Variants in PTER observed in about 807,000 individuals in gnomAD.
The protein encoded by PTER is phosphotriesterase related.
PTER carries 38 observed loss-of-function variants against 29.6 expected under a neutral mutation model. That is an observed-to-expected ratio of 1.28 (90% CI 0.99 to 1.68). The LOEUF (loss-of-function observed/expected upper bound fraction) is 1.68. Ranked by LOEUF, PTER falls within the 40% of genes most tolerant of loss-of-function variation. The probability of loss-of-function intolerance (pLI) is 0.00; values close to 1 mark genes in which losing one functional copy is unlikely to be tolerated. For missense variants in PTER, 482 were observed against 427.8 expected (o/e 1.13, Z -1.12); for synonymous variants, 172 against 154.5 (o/e 1.11, Z -0.84).
intron 1 of PTER, among the ~76,000 whole-genome samples, chr10:16,464,137 A>G (rs776585644): frequency 3.9e-5 from 6 of 152,212 alleles, no homozygotes; most frequent in Non-Finnish European, 7.3e-5. Flanking sequence ...CTGATCTTCC[A>G]TAATCTCTTG....
At chr10:16,449,486 A>G (rs1229471778) in intron 1 of PTER, among the ~76,000 whole-genome samples, 2 of 136,848 alleles carry the variant, frequency 1.5e-5, no homozygotes, top group Non-Finnish European at 3.0e-5. Flanking sequence ...CCCAGGGTAC[A>G]GTGCAGTGGT....
chr10:16,467,617 G>C (rs1302679037), intron 1 of PTER, among the ~76,000 whole-genome samples: 1 of 152,142 alleles, frequency 6.6e-6, no homozygotes, highest in African/African-American at 2.4e-5. Context: ...TTCGAGACCA[G>C]TCTGGCCTAC....
rs558469273 is a variant in PTER at position 16,511,095 on chromosome 10, C to G, written c.889C>G (p.His297Asp). ...EGCEDRILVA[H>D]DIHTKTRLMK... ...CTGTGAAGATCGAATTCTGGTAGCACATGACATACATACGAAAACCCGGCT... is the reference window on the plus strand; with the variant it reads ...CTGTGAAGATCGAATTCTGGTAGCAGATGACATACATACGAAAACCCGGCT... The change falls in exon 5 of 5, where the codon CAT becomes GAT. Residue 297 changes from histidine to aspartate, a missense_variant. Coordinates refer to ENST00000535784, the MANE Select transcript of PTER (RefSeq NM_001261836.2). 95 of 1,614,052 alleles carry G rather than the reference C, an allele frequency of 5.9e-5. 1 individual carries two copies. The South Asian group carries it at 9.9e-4, about 17-fold the overall frequency.
rs1165546065 is a variant in PTER at position 16,499,074 on chromosome 10, GT to G, written c.699-5943del. Among the ~76,000 whole-genome samples the G allele has an allele frequency of 1.6e-4, 24 of 152,256 alleles. No individual in the cohort carries two copies. In the East Asian group the frequency reaches 4.1e-3, roughly 26 times the overall value. On this transcript the variant is annotated intron_variant, in intron 3 of 4. Transcript: ENST00000535784. ...AGAACACGGCCTCAACACAAAAGCA[GT>G]TTGGGTTTGTTTGAAGCTCTTCAGG... is the stretch of plus-strand genomic sequence containing the variant.
rs140477341 is a variant in PTER at position 16,449,133 on chromosome 10, C to T, written c.-49+12086C>T. Among the ~76,000 whole-genome samples the T allele has an allele frequency of 9.0e-3, 1,375 of 152,304 alleles. 17 individuals are homozygous for T. The highest frequency in any genetic ancestry group is 0.032 in the African/African-American group (1,315 of 41,550). The stretch of plus-strand genomic sequence containing the variant: ...GGTGGCACTAATCTCTGCAGTCCCT[C>T]CAGGGATGCAATATTGTTTTTGATT... On this transcript the variant is annotated intron_variant, in intron 1 of 4. Transcript: ENST00000535784.
intron 1 of PTER, among the ~76,000 whole-genome samples, chr10:16,451,862 A>T (rs1353165214): frequency 6.6e-6 from 1 of 152,196 alleles, no homozygotes; most frequent in East Asian, 1.9e-4. Flanking sequence ...GTTACAAGAC[A>T]TTGTGGAGAT....
chr10:16,477,232 G>A (rs1454807390), intron 1 of PTER, among the ~76,000 whole-genome samples: 1 of 150,884 alleles, frequency 6.6e-6, no homozygotes. Context: ...TTTGAAGGAT[G>A]TGAACTGGAA....
intron 4 of PTER, among the ~76,000 whole-genome samples, chr10:16,508,051 T>G (rs573953085): frequency 6.8e-6 from 1 of 148,058 alleles, no homozygotes; most frequent in East Asian, 2.0e-4. Context: ...TTTTATTTCT[T>G]TTTTCTTTTT....
intron 1 of PTER, among the ~76,000 whole-genome samples, chr10:16,458,889 A>G (rs1834505848): frequency 2.0e-5 from 3 of 152,206 alleles, no homozygotes; most frequent in Admixed American, 1.3e-4. Context: ...AAGTGAGCAT[A>G]AAGCACCTTA....
At chr10:16,461,815 T>A (rs1463270557) in intron 1 of PTER, among the ~76,000 whole-genome samples, 1 of 152,222 alleles carries the variant, frequency 6.6e-6, no homozygotes, top group Non-Finnish European at 1.5e-5. Flanking sequence ...TCAATATACC[T>A]ATTTTATAAC....
At chr10:16,496,338 G>A (rs1254442518) in intron 3 of PTER, among the ~76,000 whole-genome samples, 1 of 152,106 alleles carries the variant, frequency 6.6e-6, no homozygotes, top group African/African-American at 2.4e-5. Context: ...GAAGGTCTTG[G>A]TCTTCTGGTT....
At chr10:16,459,608 G>A (rs911226580) in intron 1 of PTER, among the ~76,000 whole-genome samples, 2 of 152,186 alleles carry the variant, frequency 1.3e-5, no homozygotes, top group African/African-American at 2.4e-5. Context: ...ACAGCAGCTC[G>A]TATGTATTCC....
At chr10:16,456,399 A>G (rs565275438) in intron 1 of PTER, among the ~76,000 whole-genome samples, 2 of 152,190 alleles carry the variant, frequency 1.3e-5, no homozygotes, top group Non-Finnish European at 2.9e-5. Flanking sequence ...AGGCCCCTCA[A>G]ATGAACACAA....
At chr10:16,444,010 T>C (rs1007741681) in intron 1 of PTER, among the ~76,000 whole-genome samples, 1 of 151,594 alleles carries the variant, frequency 6.6e-6, no homozygotes, top group East Asian at 1.9e-4. Flanking sequence ...TTTTCTTTTT[T>C]TTTTTTTTTT....
Position 16,511,106 on chromosome 10 carries a change from T to A in PTER, c.900T>A (p.His300Gln), listed in dbSNP as rs1361223539. 1 of 1,614,092 alleles carries A rather than the reference T, an allele frequency of 6.2e-7. No homozygotes were observed. Among genetic ancestry groups the A allele is most frequent in the Non-Finnish European group, 8.5e-7 (1 of 1,180,002 alleles). The change falls in exon 5 of 5, where the codon CAT (histidine) becomes CAA (glutamine). Residue 300 changes from histidine to glutamine, a missense_variant. Physicochemically the swap from His to Gln is conservative, Grantham distance 24 (BLOSUM62 0). Transcript: ENST00000535784. ...GAATTCTGGTAGCACATGACATACA[T>A]ACGAAAACCCGGCTGATGAAATATG... ...EDRILVAHDI[H>Q]TKTRLMKYGG...
chr10:16,462,323 G>A (rs1045710213), intron 1 of PTER, among the ~76,000 whole-genome samples: 1 of 152,100 alleles, frequency 6.6e-6, no homozygotes, highest in African/African-American at 2.4e-5. Flanking sequence ...TGGATTGAGA[G>A]AGCAGTGGAT....
In PTER at chr10:16,484,345, A is replaced by G. The variant is rs371762913; in HGVS notation, c.-40A>G. The G allele has an allele frequency of 6.7e-6, 10 of 1,495,026 alleles. No individual in the cohort carries two copies. Among genetic ancestry groups the G allele is most frequent in the Non-Finnish European group, 9.0e-6 (10 of 1,110,376 alleles). 92.6% of individuals were successfully genotyped at this position (1,495,026 alleles called of 1,614,324 possible). A position where few individuals can be genotyped will look rare whatever the true frequency, so the allele number is the denominator to read the frequency against. ...TGTTTGTTTGTTTTTAGAAAAAAGA[A>G]ATCCTCTTTTTAGAACATCTCTTGG... On this transcript the variant is annotated 5_prime_UTR_variant, in exon 2 of 5. Coordinates refer to ENST00000535784, the MANE Select transcript of PTER (RefSeq NM_001261836.2).
At chr10:16,474,170 G>A (rs1237219518) in intron 1 of PTER, among the ~76,000 whole-genome samples, 1 of 152,114 alleles carries the variant, frequency 6.6e-6, no homozygotes, top group African/African-American at 2.4e-5. Context: ...AGCCCAAGAG[G>A]AGAAATTGGT....
intron 1 of PTER, among the ~76,000 whole-genome samples, chr10:16,467,961 C>T (rs2171730): frequency 2.0e-5 from 3 of 152,106 alleles, no homozygotes; most frequent in Admixed American, 1.3e-4. Context: ...TTAGCTCTTC[C>T]GATTTGGGAA....
Sources: allele counts gnomAD v4.1 joint callset (sites outside exome capture counted in the v4.1 genomes callset), GRCh38; gene constraint gnomAD v4.1.1; transcripts MANE v1.5; gene names NCBI Gene and HGNC (gene_info 2026-07-23, HGNC 2026-07-21).